The following BIN2 variants were observed in gnomAD, a reference collection of about 807,000 sequenced individuals.
The protein encoded by BIN2 is bridging integrator 2, also known as breast cancer associated protein BRAP1.
A neutral mutation model predicts 67.9 loss-of-function variants in BIN2; 43 were observed. That is an observed-to-expected ratio of 0.63 (90% CI 0.50 to 0.82). BIN2 has a LOEUF of 0.82. BIN2 is among the 40% of genes least tolerant of loss of function. BIN2 has a pLI of 0.00. For synonymous variants in BIN2, 244 were observed against 246.8 expected, an observed-to-expected ratio of 0.99 and a Z score of 0.11; for missense variants, 581 against 671.6, an observed-to-expected ratio of 0.87 and a Z score of 1.49.
intron 4 of BIN2, 82 bp from the exon 5 acceptor site, chr12:51,302,197 G>T: frequency 9.7e-7 from 1 of 1,026,980 alleles, no homozygotes; most frequent in Non-Finnish European, 1.5e-6. Flanking sequence ...AATTCTCCCT[G>T]CAAAAACCTT....
intron 2 of BIN2, among the ~76,000 whole-genome samples, chr12:51,309,622 C>G (rs920897277): frequency 2.6e-5 from 4 of 152,050 alleles, no homozygotes; most frequent in African/African-American, 9.7e-5. Context: ...CTGGCCCTTC[C>G]GCTTCAGCCT....
intron 2 of BIN2, among the ~76,000 whole-genome samples, chr12:51,306,392 T>C (rs1032246764): frequency 6.6e-6 from 1 of 152,092 alleles, no homozygotes; most frequent in Non-Finnish European, 1.5e-5. Flanking sequence ...TTTGGGAGGT[T>C]GAGGTAGGCA....
At chr12:51,319,069 T>C (rs1174078972) in intron 1 of BIN2, among the ~76,000 whole-genome samples, 3 of 152,156 alleles carry the variant, frequency 2.0e-5, no homozygotes, top group Non-Finnish European at 2.9e-5. Flanking sequence ...ACCTTGTTAG[T>C]GGTAAGTGCA....
rs944256548 is a variant in BIN2, at chr12:51,283,823, C to T, written c.1668+893G>A. Reference sequence around the variant, plus strand: ...CAGCCTGACCAACATGGAGAAACCCCGTCTCTACTAAAAGTACAAAATTAG... The same window carrying T: ...CAGCCTGACCAACATGGAGAAACCCTGTCTCTACTAAAAGTACAAAATTAG... On this transcript the variant is annotated intron_variant, in intron 12 of 12. Coordinates refer to ENST00000615107, the MANE Select transcript of BIN2 (RefSeq NM_016293.4). 8.6e-5 allele frequency among the ~76,000 whole-genome samples: 13 copies of T among 151,860 alleles called. No homozygotes were observed. The East Asian group carries it at 1.4e-3, about 16-fold the overall frequency.
chr12:51,323,978 C>T (rs372862712), intron 1 of BIN2, 44 bp downstream of exon 1: 2 of 1,605,570 alleles, frequency 1.2e-6, no homozygotes, highest in East Asian at 2.3e-5. Flanking sequence ...GCCTCGGCCT[C>T]GGCTCCCTGT....
chr12:51,290,380 T>C, intron 10 of BIN2, among the ~76,000 whole-genome samples: 1 of 151,510 alleles, frequency 6.6e-6, no homozygotes, highest in East Asian at 2.0e-4. Context: ...CTGCCTGCCT[T>C]GGCCTCCCAA....
intron 9 of BIN2, among the ~76,000 whole-genome samples, chr12:51,294,295 G>A (rs1243742190): frequency 2.6e-5 from 4 of 152,144 alleles, no homozygotes; most frequent in Admixed American, 6.6e-5. Flanking sequence ...ACAGCCGGGC[G>A]TGGTGGCTCA....
intron 1 of BIN2, among the ~76,000 whole-genome samples, chr12:51,319,981 C>G (rs1375727656): frequency 6.6e-6 from 1 of 151,970 alleles, no homozygotes; most frequent in African/African-American, 2.4e-5. Context: ...TTCCTTTTCT[C>G]CCTCTCTTTC....
At chr12:51,291,468 G>C in intron 10 of BIN2, 123 bp downstream of exon 10, 1 of 944,950 alleles carries the variant, frequency 1.1e-6, no homozygotes, top group Middle Eastern at 3.3e-4. Flanking sequence ...ACTTGAGCTT[G>C]AGAGGTCGAG....
chr12:51,296,509 A>C (rs915337232), intron 8 of BIN2, among the ~76,000 whole-genome samples: 2 of 151,712 alleles, frequency 1.3e-5, no homozygotes, highest in South Asian at 2.1e-4. Context: ...AAAAAAAAAA[A>C]CCAAAAAACC....
chr12:51,307,217 A>C (rs1471947562), intron 2 of BIN2, among the ~76,000 whole-genome samples: 2 of 145,218 alleles, frequency 1.4e-5, no homozygotes, highest in Non-Finnish European at 3.0e-5. Flanking sequence ...CGGGAGGTGG[A>C]GGTTACAGTG....
chr12:51,299,244 C>T lies in BIN2; in HGVS notation c.561G>A (p.Leu187=). The part of the protein sequence containing the change: ...FNKAQTVFED[L]NQELLEELPI... ...GCAGCTCCTCTAGTAGTTCTTGGTTCAGATCTTCAAACACAGTCTGGGCTT... is the reference window on the plus strand; with the variant it reads ...GCAGCTCCTCTAGTAGTTCTTGGTTTAGATCTTCAAACACAGTCTGGGCTT... Residue 187 remains leucine (L), a synonymous_variant, in exon 7 of 13, where the codon CTG becomes CTA. Transcript: ENST00000615107. 6.2e-7 allele frequency: 1 copy of T among 1,613,814 alleles called. No homozygotes were observed. Among genetic ancestry groups the T allele is most frequent in the Non-Finnish European group, 8.5e-7 (1 of 1,179,764 alleles).
chr12:51,324,482 G>A (rs1428752855), upstream of BIN2: 4 of 1,524,752 alleles, frequency 2.6e-6, no homozygotes, highest in Admixed American at 6.2e-5. Flanking sequence ...GGTAGAAAAT[G>A]ATGTGGGTTC....
At chr12:51,307,247 T>TA (rs1945889874) in intron 2 of BIN2, among the ~76,000 whole-genome samples, 1 of 143,352 alleles carries the variant, frequency 7.0e-6, no homozygotes, top group African/African-American at 2.6e-5. Flanking sequence ...CGCGACACCG[T>TA]ACTCTAGCCT....
chr12:51,298,736 A>G (rs1209510028), intron 7 of BIN2, among the ~76,000 whole-genome samples: 1 of 152,116 alleles, frequency 6.6e-6, no homozygotes, highest in Non-Finnish European at 1.5e-5. Context: ...AAAAGAAAAA[A>G]GGATACAAAT....
intron 7 of BIN2, among the ~76,000 whole-genome samples, chr12:51,298,243 G>A (rs1226638818): frequency 4.6e-5 from 7 of 152,240 alleles, no homozygotes; most frequent in Admixed American, 1.3e-4. Flanking sequence ...TTAGTGGCAC[G>A]CGCCTGTAGT....
intron 1 of BIN2, 65 bp downstream of exon 1, chr12:51,323,957 G>A: frequency 5.7e-6 from 9 of 1,586,572 alleles, no homozygotes; most frequent in Admixed American, 3.5e-5. Context: ...CCTCCTGCCC[G>A]GCCGGGCTCG....
chr12:51,302,391 A>G (rs900629497), intron 4 of BIN2: 33 of 528,808 alleles, frequency 6.2e-5, no homozygotes, highest in Non-Finnish European at 9.1e-5. Flanking sequence ...TTAAGAGTGT[A>G]TAACTGCATG....
At chr12:51,322,398 G>T (rs3847857) in intron 1 of BIN2, among the ~76,000 whole-genome samples, 152,168 of 152,246 alleles carry the variant, frequency 1, 76,045 homozygotes, top group Non-Finnish European at 1. Context: ...TTATTTTTAT[G>T]TATTTATTTT....
Sources: allele counts gnomAD v4.1 joint callset (sites outside exome capture counted in the v4.1 genomes callset), GRCh38; gene constraint gnomAD v4.1.1; transcripts MANE v1.5; gene names NCBI Gene and HGNC (gene_info 2026-07-23, HGNC 2026-07-21).